The following FOXK1 variants were observed in gnomAD, a reference collection of about 807,000 sequenced individuals.
FOXK1 encodes forkhead box K1, also known as forkhead box protein K1.
Under a neutral mutation model 51.9 loss-of-function variants are expected in FOXK1, and 19 were observed. That is an observed-to-expected ratio of 0.37 (90% confidence interval 0.26 to 0.54). FOXK1 has a LOEUF of 0.54. Among genes scored for constraint, FOXK1 ranks in the 20% least tolerant of loss-of-function variants. The pLI, the probability that FOXK1 is intolerant of heterozygous loss-of-function variation, is 0.87. For missense variants in FOXK1, 870 were observed against 1,032.7 expected (o/e 0.84, Z 2.16); for synonymous variants, 537 against 482.6 (o/e 1.11, Z -1.48).
At chr7:4,691,226 G>A (rs1366087260) in intron 1 of FOXK1, among the ~76,000 whole-genome samples, 2 of 152,194 alleles carry the variant, frequency 1.3e-5, no homozygotes, top group African/African-American at 4.8e-5. Context: ...CTGTGAAGAT[G>A]AGTTTGGGCA....
chr7:4,748,564 C>T lies in FOXK1; in HGVS notation c.747-5895C>T, dbSNP rs1056266595. ...CCTCTGACCATGGGATCATCTTCTC[C>T]ACCATCCTGGGAATCCCCTCAGGAG... On this transcript the variant is annotated intron_variant, in intron 2 of 8. Coordinates refer to ENST00000328914, the MANE Select transcript of FOXK1 (RefSeq NM_001037165.2). This position sits in a 1 kb window ranked among gnomAD's most constrained non-coding sequence, Gnocchi z 4.9. Among the ~76,000 whole-genome samples the T allele has an allele frequency of 1.2e-4, 19 of 152,180 alleles. No individual in the cohort carries two copies. Among genetic ancestry groups the T allele is most frequent in the African/African-American group, 4.6e-4 (19 of 41,442 alleles).
Position 4,747,312 on chromosome 7 carries a change from C to G in FOXK1, c.746+6289C>G, listed in dbSNP as rs760293622. The stretch of plus-strand genomic sequence containing the variant: ...GGGAAGCAGGAGGCGCCTGCAGACA[C>G]GGAGCTGACCCCGGAACCTGCCTAG... On this transcript the variant is annotated intron_variant, in intron 2 of 8. Coordinates refer to ENST00000328914, the MANE Select transcript of FOXK1 (RefSeq NM_001037165.2). This position sits in a 1 kb window ranked among gnomAD's most constrained non-coding sequence, Gnocchi z 9.2. Among the ~76,000 whole-genome samples, 1 of 152,136 alleles carries G rather than the reference C, an allele frequency of 6.6e-6. No individual in the cohort carries two copies. The highest frequency in any genetic ancestry group is 2.4e-5 in the African/African-American group (1 of 41,434).
At chr7:4,702,932 G>A (rs1457325654) in intron 1 of FOXK1, among the ~76,000 whole-genome samples, 2 of 152,146 alleles carry the variant, frequency 1.3e-5, no homozygotes, top group Non-Finnish European at 2.9e-5. Context: ...TACCCAGCTC[G>A]GGTTCTGGGT....
intron 1 of FOXK1, among the ~76,000 whole-genome samples, chr7:4,710,189 C>G (rs1347166772): frequency 6.6e-6 from 1 of 152,250 alleles, no homozygotes; most frequent in East Asian, 1.9e-4. Flanking sequence ...CTCTAAGCCT[C>G]AGTTTCCTCA....
At chr7:4,705,902 AG>A (rs1304226608) in intron 1 of FOXK1, among the ~76,000 whole-genome samples, 2 of 149,454 alleles carry the variant, frequency 1.3e-5, no homozygotes, top group African/African-American at 4.9e-5. Context: ...CTCAGCTTTT[AG>A]GTTATATATC....
At chr7:4,716,454 T>C (rs1180330329) in intron 1 of FOXK1, among the ~76,000 whole-genome samples, 3 of 152,136 alleles carry the variant, frequency 2.0e-5, no homozygotes, top group African/African-American at 7.2e-5. Context: ...TGCCGTAAGC[T>C]ATGATGGCAC....
intron 2 of FOXK1, among the ~76,000 whole-genome samples, chr7:4,742,124 G>A (rs1434100255): frequency 6.6e-6 from 1 of 152,278 alleles, no homozygotes; most frequent in Non-Finnish European, 1.5e-5. Flanking sequence ...AGCAGTTTCT[G>A]CGTCGCTCGC....
In FOXK1 at chr7:4,753,185, T is replaced by C. The variant is rs1227451194; in HGVS notation, c.747-1274T>C. ...AATGCCCCAGACCTGAACTGATCAT[T>C]AATGTCAGCTGTCAGGTTTTTCTCA... On this transcript the variant is annotated intron_variant, in intron 2 of 8. Coordinates refer to ENST00000328914, the MANE Select transcript of FOXK1 (RefSeq NM_001037165.2). This position sits in a 1 kb window ranked among gnomAD's most constrained non-coding sequence, Gnocchi z 4.9. 1.3e-5 allele frequency among the ~76,000 whole-genome samples: 2 copies of C among 152,192 alleles called. No individual in the cohort carries two copies. Among genetic ancestry groups the C allele is most frequent in the Admixed American group, 1.3e-4 (2 of 15,272 alleles).
chr7:4,759,100 G>A lies in FOXK1; in HGVS notation c.1294G>A (p.Gly432Ser), dbSNP rs1195661933. The A allele has an allele frequency of 8.1e-6, 13 of 1,611,052 alleles. No individual in the cohort carries two copies. Among genetic ancestry groups the A allele is most frequent in the Admixed American group, 1.7e-5 (1 of 59,990 alleles). Residue 432 changes from glycine (G) to serine (S), a missense_variant, in exon 6 of 9, where the codon GGC becomes AGC. Physicochemically the swap from Gly to Ser is moderately conservative, Grantham distance 56 (BLOSUM62 0). Around this residue, in one of 3 missense-constraint regions of FOXK1, gnomAD observed 457 missense variants for 510.8 expected, o/e 0.89. Coordinates refer to ENST00000328914, the MANE Select transcript of FOXK1 (RefSeq NM_001037165.2). ...THPGLMSPRS[G>S]GLQTPECLSR... ...CCCCGGGCTGATGTCCCCTCGCTCCGGCGGCCTGCAGACCCCAGAGTGCCT... is the reference window on the plus strand; with the variant it reads ...CCCCGGGCTGATGTCCCCTCGCTCCAGCGGCCTGCAGACCCCAGAGTGCCT...
intron 1 of FOXK1, among the ~76,000 whole-genome samples, chr7:4,728,964 G>T (rs1780415970): frequency 6.6e-6 from 1 of 152,140 alleles, no homozygotes; most frequent in South Asian, 2.1e-4. Context: ...TTTGAGATCT[G>T]CAGATTAAGC....
chr7:4,721,256 T>C (rs1002053431), intron 1 of FOXK1, among the ~76,000 whole-genome samples: 60 of 152,264 alleles, frequency 3.9e-4, no homozygotes, highest in African/African-American at 1.4e-3. Context: ...TTTGCCTGTG[T>C]GTGGCAGTGC....
In FOXK1 at chr7:4,754,586, G is replaced by T; in HGVS notation, c.874G>T (p.Ala292Ser). ...AGCAAAGGCCGCGTCGGAGCAGCAG[G>T]CAGACACGTCTGGAGGAGACAGCCC... ...FAAKAASEQQ[A>S]DTSGGDSPKD... Residue 292 changes from alanine (A) to serine (S), a missense_variant, in exon 3 of 9, where the codon GCA becomes TCA. By Grantham distance (99) the Ala-to-Ser change is moderately conservative. This residue lies in a region of FOXK1 where 399 missense variants were observed against 475.6 expected (regional missense o/e 0.84). Transcript: ENST00000328914. 1.2e-6 allele frequency: 2 copies of T among 1,607,080 alleles called. No homozygotes were observed.
At chr7:4,725,524 A>G (rs1335072481) in intron 1 of FOXK1, among the ~76,000 whole-genome samples, 1 of 152,238 alleles carries the variant, frequency 6.6e-6, no homozygotes, top group East Asian at 1.9e-4. Context: ...TTCGCTCCGC[A>G]GGAGTGAGAA....
chr7:4,687,750 A>C (rs74492712), intron 1 of FOXK1, among the ~76,000 whole-genome samples: 2,880 of 152,242 alleles, frequency 0.019, 92 homozygotes, highest in African/African-American at 0.065. Flanking sequence ...TTTTATAGTA[A>C]ATGTGGATGG....
Position 4,759,461 on chromosome 7 carries a change from C to G in FOXK1, c.1562C>G (p.Thr521Ser). The G allele has an allele frequency of 6.3e-7, 1 of 1,591,458 alleles. No individual in the cohort carries two copies. Among genetic ancestry groups the G allele is most frequent in the Non-Finnish European group, 8.5e-7 (1 of 1,173,694 alleles). Residue 521 changes from threonine to serine, a missense_variant, in exon 7 of 9, where the codon ACC (threonine) becomes AGC (serine). Physicochemically the swap from Thr to Ser is moderately conservative, Grantham distance 58. Coordinates refer to ENST00000328914, the MANE Select transcript of FOXK1 (RefSeq NM_001037165.2). Reference protein sequence around the residue: ...HAIHVVQQAPTVTMVRVVTTS... With the variant: ...HAIHVVQQAPSVTMVRVVTTS... ...ATCCACGTCGTGCAGCAGGCCCCCACCGTCACCATGGTCAGGGTGGTCACC... is the reference window on the plus strand; with the variant it reads ...ATCCACGTCGTGCAGCAGGCCCCCAGCGTCACCATGGTCAGGGTGGTCACC...
chr7:4,703,898 G>T lies in FOXK1; in HGVS notation c.560+21030G>T, dbSNP rs905757948. On this transcript the variant is annotated intron_variant, in intron 1 of 8. Coordinates refer to ENST00000328914, the MANE Select transcript of FOXK1 (RefSeq NM_001037165.2). This position sits in a 1 kb window ranked among gnomAD's most constrained non-coding sequence, Gnocchi z 5.6. The stretch of plus-strand genomic sequence containing the variant: ...GTCACATTACATTATGACCATGAAG[G>T]CTAAATACTCCCAGTCACTATAAAT... Among the ~76,000 whole-genome samples the T allele has an allele frequency of 2.6e-5, 4 of 152,110 alleles. No individual in the cohort carries two copies. The East Asian group carries it at 7.7e-4, about 29-fold the overall frequency.
chr7:4,708,570 C>A (rs1412372662), intron 1 of FOXK1, among the ~76,000 whole-genome samples: 1 of 152,242 alleles, frequency 6.6e-6, no homozygotes, highest in Non-Finnish European at 1.5e-5. Context: ...AAATTGATAT[C>A]ATAAAAGTAT....
chr7:4,733,454 A>G lies in FOXK1; in HGVS notation c.561-7384A>G, dbSNP rs903535575. Among the ~76,000 whole-genome samples, 4 of 152,222 alleles carry G rather than the reference A, an allele frequency of 2.6e-5. No individual in the cohort carries two copies. Among genetic ancestry groups the G allele is most frequent in the Admixed American group, 1.3e-4 (2 of 15,278 alleles). On this transcript the variant is annotated intron_variant, in intron 1 of 8. Transcript: ENST00000328914. This position sits in a 1 kb window ranked among gnomAD's most constrained non-coding sequence, Gnocchi z 5.0. ...GTGGCTGCTCGGCTCCTGCCATCACAGCAGTATCTGGCTGTTGGGAAGGGG... is the reference window on the plus strand; with the variant it reads ...GTGGCTGCTCGGCTCCTGCCATCACGGCAGTATCTGGCTGTTGGGAAGGGG...
chr7:4,752,810 C>T (rs772457824), intron 2 of FOXK1, among the ~76,000 whole-genome samples: 41 of 152,288 alleles, frequency 2.7e-4, no homozygotes, highest in African/African-American at 5.8e-4. Flanking sequence ...GCAGCCCCTC[C>T]GGCCATGAGG....
Sources: allele counts gnomAD v4.1 joint callset (sites outside exome capture counted in the v4.1 genomes callset), GRCh38; gene constraint gnomAD v4.1.1; regional missense constraint gnomAD v4.1.1; non-coding constraint Gnocchi (gnomAD v3.1); transcripts MANE v1.5; gene names NCBI Gene and HGNC (gene_info 2026-07-23, HGNC 2026-07-21).